CPAMD8: variants seen among roughly 807,000 people sequenced by gnomAD.
CPAMD8 encodes the protein C3 and PZP-like alpha-2-macroglobulin domain-containing protein 8.
CPAMD8 carries 146 observed loss-of-function variants against 224.7 expected under a neutral mutation model. The observed-to-expected ratio is 0.65, with a 90% CI of 0.57 to 0.75. The LOEUF is 0.75. Ranked by LOEUF, CPAMD8 falls within the 30% of genes least tolerant of loss-of-function variation. The pLI is 0.00. For synonymous variants in CPAMD8, 966 were observed against 1,044.6 expected (o/e 0.92, Z 1.45); for missense variants, 2,301 against 2,537.5 (o/e 0.91, Z 2.00).
intron 3 of CPAMD8, among the ~76,000 whole-genome samples, chr19:17,016,676 C>G (rs974629252): frequency 1.3e-5 from 2 of 152,112 alleles, no homozygotes; most frequent in Non-Finnish European, 2.9e-5. Context: ...AGGAAAATCA[C>G]TTGAACCCAG....
At chr19:16,960,125 T>C (rs1384069233) in intron 18 of CPAMD8, among the ~76,000 whole-genome samples, 3 of 151,786 alleles carry the variant, frequency 2.0e-5, no homozygotes, top group Non-Finnish European at 4.4e-5. Flanking sequence ...ATCCTCTGTT[T>C]CCTAAGGAGT....
intron 13 of CPAMD8, among the ~76,000 whole-genome samples, chr19:16,982,092 C>T (rs1261183770): frequency 6.6e-6 from 1 of 151,708 alleles, no homozygotes; most frequent in Admixed American, 6.6e-5. Flanking sequence ...CCCGTCTCTA[C>T]AAAAAATCAA....
At chr19:16,964,880 G>A (rs2054775193) in intron 18 of CPAMD8, among the ~76,000 whole-genome samples, 1 of 152,170 alleles carries the variant, frequency 6.6e-6, no homozygotes, top group African/African-American at 2.4e-5. Flanking sequence ...ATGCAAGCCT[G>A]GTTCAACGTA....
At chr19:17,007,341 A>G (rs980615154) in intron 7 of CPAMD8, among the ~76,000 whole-genome samples, 1 of 152,020 alleles carries the variant, frequency 6.6e-6, no homozygotes, top group African/African-American at 2.4e-5. Flanking sequence ...TTTTAAAAAA[A>G]AAGAAGAAGA....
chr19:16,935,733 A>G (rs759683718), intron 23 of CPAMD8, among the ~76,000 whole-genome samples: 10 of 152,200 alleles, frequency 6.6e-5, no homozygotes, highest in African/African-American at 1.2e-4. Context: ...TTGTGTGAAC[A>G]TAAGTCTTTG....
chr19:16,976,244 G>A (rs914336984), intron 15 of CPAMD8, 93 bp from the exon 16 acceptor site: 6 of 1,026,458 alleles, frequency 5.8e-6, no homozygotes, highest in Admixed American at 2.5e-5. Flanking sequence ...GGGAGGCCGA[G>A]GCGGGTGGAT....
intron 30 of CPAMD8, among the ~76,000 whole-genome samples, chr19:16,906,370 CTTTCTTTCTTTCTTT>C (rs2052494301): frequency 3.3e-5 from 3 of 90,764 alleles, no homozygotes; most frequent in African/African-American, 1.4e-4. Flanking sequence ...TTCTTTCTTT[CTTTCTTTCTTTCTTT>C]CTTTCTTTCT....
intron 18 of CPAMD8, among the ~76,000 whole-genome samples, chr19:16,965,456 A>T (rs2054798605): frequency 6.6e-6 from 1 of 151,924 alleles, no homozygotes; most frequent in African/African-American, 2.4e-5. Flanking sequence ...CTCTCTCACC[A>T]CTCCTATTCA....
At chr19:16,893,448 G>A in intron 41 of CPAMD8, 109 bp from the exon 42 acceptor site, 1 of 721,490 alleles carries the variant, frequency 1.4e-6, no homozygotes, top group Non-Finnish European at 2.2e-6. Context: ...CAGGGGTGGG[G>A]AACCCACCGG....
At chr19:16,901,088 G>A (rs1259439784) in intron 36 of CPAMD8, 122 bp downstream of exon 36, 2 of 612,796 alleles carry the variant, frequency 3.3e-6, no homozygotes, top group Non-Finnish European at 2.9e-6. Context: ...GGAGAGGGAA[G>A]AAAAGAATAC....
At chr19:17,009,131 G>T in intron 6 of CPAMD8, 172 bp downstream of exon 6, 1 of 959,498 alleles carries the variant, frequency 1.0e-6, no homozygotes, top group Non-Finnish European at 1.6e-6. Context: ...CACACACACA[G>T]CCCATCCCAG....
intron 16 of CPAMD8, 24 bp downstream of exon 16, chr19:16,975,978 C>T: frequency 6.5e-7 from 1 of 1,545,522 alleles, no homozygotes; most frequent in South Asian, 1.2e-5. Context: ...AGGTCTAGAA[C>T]CCAAGCCCGA....
intron 20 of CPAMD8, among the ~76,000 whole-genome samples, chr19:16,948,870 AGGG>A (rs2054198784): frequency 1.2e-4 from 1 of 8,606 alleles, no homozygotes; most frequent in Non-Finnish European, 2.0e-4. Flanking sequence ...GGGAAAGGAA[AGGG>A]AAGGGAAGGG....
At chr19:16,978,134 C>T (rs2055348254) in intron 14 of CPAMD8, among the ~76,000 whole-genome samples, 1 of 152,178 alleles carries the variant, frequency 6.6e-6, no homozygotes, top group Admixed American at 6.5e-5. Context: ...CATCTGTCAG[C>T]TGGTTCTGTG....
At chr19:16,994,233 G>A (rs2056052952) in intron 11 of CPAMD8, among the ~76,000 whole-genome samples, 1 of 152,188 alleles carries the variant, frequency 6.6e-6, no homozygotes. Flanking sequence ...CATAAGGGTA[G>A]ACCTTCATGC....
chr19:16,941,680 G>A (rs2053894655), intron 22 of CPAMD8, among the ~76,000 whole-genome samples: 1 of 152,108 alleles, frequency 6.6e-6, no homozygotes, highest in African/African-American at 2.4e-5. Context: ...CTGGTTGTTT[G>A]AAACTGTGAA....
rs11882734 is a variant in CPAMD8, at chr19:16,932,087, A to G, written c.2846-2847T>C. Among the ~76,000 whole-genome samples, 743 of 152,050 alleles carry G rather than the reference A, an allele frequency of 4.9e-3. 5 individuals carry two copies. Among genetic ancestry groups the G allele is most frequent in the African/African-American group, 0.017 (712 of 41,320 alleles). On this transcript the variant is annotated intron_variant, in intron 23 of 41. Transcript: ENST00000443236. ...AGAAACACAATAATTCTTGAGCAAC[A>G]GATTCCAGTAAAAAAAAAAATGTAT...
chr19:16,985,003 T>C (rs1332987870), intron 13 of CPAMD8, among the ~76,000 whole-genome samples: 1 of 152,232 alleles, frequency 6.6e-6, no homozygotes, highest in Non-Finnish European at 1.5e-5. Flanking sequence ...ATTGAAAATC[T>C]GAATATTGCC....
At position 17,008,505 on chromosome 19, in the gene CPAMD8, C is replaced by T. The variant is rs200372426; in HGVS notation, c.559G>A (p.Gly187Ser). Residue 187 changes from glycine to serine, a missense_variant and splice_region_variant, in exon 7 of 42, where the codon GGC becomes AGC. Transcript: ENST00000443236. ...EWRHLKPFCCGITNMSFPLSD... is the reference protein window; with the variant it reads ...EWRHLKPFCCSITNMSFPLSD... Reference sequence around the variant, plus strand: ...CCAAGCCGCAGAGGAAGAAACTTACCGCAGCAGAACGGCTTTAAGTGTCTC... The same window carrying T: ...CCAAGCCGCAGAGGAAGAAACTTACTGCAGCAGAACGGCTTTAAGTGTCTC... 219 of 1,612,760 alleles carry T rather than the reference C, an allele frequency of 1.4e-4. 1 individual carries two copies. The highest frequency in any genetic ancestry group is 9.9e-4 in the African/African-American group (74 of 74,998).
Sources: gnomAD v4.1 joint callset for allele counts (sites outside exome capture counted in the v4.1 genomes callset) on GRCh38, gnomAD v4.1.1 for gene constraint, MANE v1.5 for transcripts, NCBI Gene and HGNC (gene_info 2026-07-23, HGNC 2026-07-21) for gene names.